PDAP1: variants seen among roughly 807,000 people sequenced by gnomAD.
PDAP1 encodes 28 kDa heat- and acid-stable phosphoprotein.
PDAP1 carries 13 observed loss-of-function variants against 28.0 expected under a neutral mutation model. That is an observed-to-expected ratio of 0.46 (90% CI 0.30 to 0.74). PDAP1 has a LOEUF of 0.74. Ranked by LOEUF, PDAP1 falls within the 30% of genes least tolerant of loss-of-function variation. The pLI is 0.07. For synonymous variants in PDAP1, 77 were observed against 85.1 expected, an observed-to-expected ratio of 0.91 and a Z score of 0.52; for missense variants, 150 against 230.0, an observed-to-expected ratio of 0.65 and a Z score of 2.25.
At chr7:99,404,531 C>G (rs886732748) in intron 2 of PDAP1, among the ~76,000 whole-genome samples, 13 of 152,098 alleles carry the variant, frequency 8.5e-5, no homozygotes, top group Non-Finnish European at 1.5e-5. Context: ...AGCAGACAAG[C>G]AGGGGTGCTG....
chr7:99,395,722 C>G lies in PDAP1; in HGVS notation c.*960G>C, dbSNP rs545478115. ...GCCAGGCCAGGCCAGGATCCTGGTG[C>G]TGCTTCAGCCTACTGTGGCCTGGAA... On this transcript the variant is annotated 3_prime_UTR_variant, in exon 6 of 6. Coordinates refer to ENST00000350498, the MANE Select transcript of PDAP1 (RefSeq NM_014891.7). 1 of 152,406 alleles carries G rather than the reference C, an allele frequency of 6.6e-6. No homozygotes were observed. The highest frequency in any genetic ancestry group is 2.1e-4 in the South Asian group (1 of 4,828). The allele number at this position is 152,406 out of a possible 1,614,324, so 9.4% of individuals were successfully genotyped here.
intron 1 of PDAP1, 47 bp from the exon 2 acceptor site, chr7:99,405,000 G>A: frequency 7.1e-7 from 1 of 1,408,728 alleles, no homozygotes; most frequent in South Asian, 1.2e-5. Flanking sequence ...TGCCTTGACT[G>A]CTCTGACCCC....
At chr7:99,407,336 T>G (rs1382853111) in intron 1 of PDAP1, among the ~76,000 whole-genome samples, 2 of 152,192 alleles carry the variant, frequency 1.3e-5, no homozygotes, top group Non-Finnish European at 2.9e-5. Flanking sequence ...AAGTAAAACT[T>G]CGGAGGGAGG....
chr7:99,407,957 T>C (rs1795015467), intron 1 of PDAP1, among the ~76,000 whole-genome samples: 1 of 152,100 alleles, frequency 6.6e-6, no homozygotes, highest in South Asian at 2.1e-4. Flanking sequence ...AGTTGAAGCC[T>C]CCCAACAGTA....
intron 3 of PDAP1, among the ~76,000 whole-genome samples, chr7:99,402,573 C>CA (rs58448407): frequency 0.047 from 2,557 of 54,058 alleles, 27 homozygotes; most frequent in Non-Finnish European, 0.068. Context: ...GACCCTGTCT[C>CA]AAAAAAAAAA....
At chr7:99,407,735 G>A (rs940560040) in intron 1 of PDAP1, among the ~76,000 whole-genome samples, 13 of 152,162 alleles carry the variant, frequency 8.5e-5, no homozygotes, top group Non-Finnish European at 1.8e-4. Flanking sequence ...GACATAGCTG[G>A]GATTCAAACT....
In PDAP1 at chr7:99,402,378, G is replaced by A. The variant is rs867747704; in HGVS notation, c.213+1020C>T. Among the ~76,000 whole-genome samples, 4 of 151,900 alleles carry A rather than the reference G, an allele frequency of 2.6e-5. No individual in the cohort carries two copies. The South Asian group carries it at 6.2e-4, about 24-fold the overall frequency. ...CTCAACACCTCAGGAGGGTGAAGTG[G>A]GAGGATTACTTGAGCCCAGGAGTTG... On this transcript the variant is annotated intron_variant, in intron 3 of 5. Transcript: ENST00000350498.
chr7:99,401,989 G>A (rs1233842544), intron 3 of PDAP1, among the ~76,000 whole-genome samples: 1 of 152,000 alleles, frequency 6.6e-6, no homozygotes, highest in African/African-American at 2.4e-5. Context: ...ATATCTGGAG[G>A]CTGGGCGCAG....
At chr7:99,402,573 C>CAAAAAAA (rs58448407) in intron 3 of PDAP1, among the ~76,000 whole-genome samples, 1 of 56,680 alleles carries the variant, frequency 1.8e-5, no homozygotes. Context: ...GACCCTGTCT[C>CAAAAAAA]AAAAAAAAAA....
At chr7:99,403,619 G>A in intron 2 of PDAP1, 114 bp from the exon 3 acceptor site, 1 of 780,114 alleles carries the variant, frequency 1.3e-6, no homozygotes, top group Non-Finnish European at 2.3e-6. Context: ...CTGGAAGGCT[G>A]GAACCAAGGA....
At chr7:99,404,719 ACACCTGGGGCTCACTGCCCGCCCG>A in intron 2 of PDAP1, 119 bp downstream of exon 2, 1 of 602,644 alleles carries the variant, frequency 1.7e-6, no homozygotes, top group Non-Finnish European at 3.0e-6. Flanking sequence ...TCTGAGACTC[ACACCTGGGGCTCACTGCCCGCCCG>A]ACCCCCACGT....
At position 99,395,566 on chromosome 7, in the gene PDAP1, T is replaced by G. The variant is rs937479866; in HGVS notation, c.*1116A>C. On this transcript the variant is annotated 3_prime_UTR_variant, in exon 6 of 6. Transcript: ENST00000350498. ...GTTTATGTCATGTCACCAGGTCCTGTGCTGAAGGGCATTTGCACATCTTTT... is the reference window on the plus strand; with the variant it reads ...GTTTATGTCATGTCACCAGGTCCTGGGCTGAAGGGCATTTGCACATCTTTT... The G allele has an allele frequency of 1.3e-5, 2 of 152,276 alleles. No homozygotes were observed. Among genetic ancestry groups the G allele is most frequent in the Non-Finnish European group, 2.9e-5 (2 of 68,056 alleles). 9.4% of individuals were successfully genotyped at this position (152,276 alleles called of 1,614,324 possible).
Position 99,395,565 on chromosome 7 carries a change from G to C in PDAP1, c.*1117C>G, listed in dbSNP as rs1343150159. The C allele has an allele frequency of 1.3e-5, 2 of 152,262 alleles. No homozygotes were observed. The highest frequency in any genetic ancestry group is 4.8e-5 in the African/African-American group (2 of 41,452). The allele number at this position is 152,262 out of a possible 1,614,324, so 9.4% of individuals were successfully genotyped here. The stretch of plus-strand genomic sequence containing the variant: ...AGTTTATGTCATGTCACCAGGTCCT[G>C]TGCTGAAGGGCATTTGCACATCTTT... On this transcript the variant is annotated 3_prime_UTR_variant, in exon 6 of 6. Transcript: ENST00000350498.
intron 5 of PDAP1, among the ~76,000 whole-genome samples, chr7:99,397,053 C>T (rs1794782213): frequency 6.6e-6 from 1 of 152,192 alleles, no homozygotes; most frequent in Admixed American, 6.5e-5. Flanking sequence ...TAATTCTAAC[C>T]TCCCTCCACG....
intron 2 of PDAP1, among the ~76,000 whole-genome samples, chr7:99,404,111 A>G (rs1274044336): frequency 6.6e-6 from 1 of 151,900 alleles, no homozygotes; most frequent in Non-Finnish European, 1.5e-5. Context: ...CTGCCCACAC[A>G]TTCTCCATGT....
chr7:99,400,369 G>GCCA lies in PDAP1; in HGVS notation c.266_268dup (p.Val89dup). Reference sequence around the variant, plus strand: ...TTGTGTGACCTTTTTGGTTGTCTGTGCCACCCGGTTGGGGTTCTCGATGTC... The same window carrying GCCA: ...TTGTGTGACCTTTTTGGTTGTCTGTGCCACCACCCGGTTGGGGTTCTCGATGTC... On this transcript the variant is annotated inframe_insertion, in exon 4 of 6. Coordinates refer to ENST00000350498, the MANE Select transcript of PDAP1 (RefSeq NM_014891.7). The GCCA allele has an allele frequency of 6.2e-7, 1 of 1,614,034 alleles. No individual in the cohort carries two copies.
At position 99,396,373 on chromosome 7, in the gene PDAP1, T is replaced by G. The variant is rs1667039791; in HGVS notation, c.*309A>C. On this transcript the variant is annotated 3_prime_UTR_variant, in exon 6 of 6. Coordinates refer to ENST00000350498, the MANE Select transcript of PDAP1 (RefSeq NM_014891.7). ...CTACCAGACAAATGAAAGCTCTTCT[T>G]ACCCCATCTCCCAGGCACCCCCCAG... 1 of 447,746 alleles carries G rather than the reference T, an allele frequency of 2.2e-6. No homozygotes were observed. Among genetic ancestry groups the G allele is most frequent in the South Asian group, 2.1e-5 (1 of 48,000 alleles). 27.7% of individuals were successfully genotyped at this position (447,746 alleles called of 1,614,324 possible). A position where few individuals can be genotyped will look rare whatever the true frequency, so the allele number is the denominator to read the frequency against.
intron 2 of PDAP1, among the ~76,000 whole-genome samples, 192 bp from the exon 3 acceptor site, chr7:99,403,697 G>T (rs1210376541): frequency 6.6e-6 from 1 of 152,110 alleles, no homozygotes; most frequent in Admixed American, 6.6e-5. Context: ...GGCAGCCTAT[G>T]CACTTAGCAC....
At chr7:99,397,135 G>A (rs917716076) in intron 5 of PDAP1, among the ~76,000 whole-genome samples, 1 of 152,170 alleles carries the variant, frequency 6.6e-6, no homozygotes, top group Non-Finnish European at 1.5e-5. Context: ...GGTTTGTGAA[G>A]CAGGGTTGAA....
Sources: allele counts gnomAD v4.1 joint callset (sites outside exome capture counted in the v4.1 genomes callset), GRCh38; gene constraint gnomAD v4.1.1; transcripts MANE v1.5; gene names NCBI Gene and HGNC (gene_info 2026-07-23, HGNC 2026-07-21).